The following ANKDD1A variants were observed in gnomAD, a reference collection of about 807,000 sequenced individuals.
The protein encoded by ANKDD1A is ankyrin repeat and death domain-containing protein 1A.
In ANKDD1A, 59 loss-of-function variants were observed where a neutral mutation model predicts 63.5. That is an observed-to-expected ratio of 0.93 (90% CI 0.75 to 1.15). The LOEUF is 1.15. ANKDD1A is among the 50% of genes most tolerant of loss of function. The pLI is 0.00. For synonymous variants in ANKDD1A, 266 were observed against 263.9 expected, an observed-to-expected ratio of 1.01 and a Z score of -0.08; for missense variants, 632 against 656.4, an observed-to-expected ratio of 0.96 and a Z score of 0.41.
intron 1 of ANKDD1A, among the ~76,000 whole-genome samples, chr15:64,914,297 T>C (rs1287663383): frequency 6.6e-6 from 1 of 152,072 alleles, no homozygotes; most frequent in Non-Finnish European, 1.5e-5. Context: ...GTTTTTGTTT[T>C]CTTTTTAGAG....
chr15:64,952,908 C>T (rs1178744526), intron 14 of ANKDD1A, among the ~76,000 whole-genome samples: 4 of 70,378 alleles, frequency 5.7e-5, no homozygotes, highest in Non-Finnish European at 1.6e-4. Context: ...CCTTCCTTCT[C>T]TTCTTCTCCT....
chr15:64,915,896 A>G lies in ANKDD1A; in HGVS notation c.134A>G (p.Asn45Ser). 1 of 1,613,402 alleles carries G rather than the reference A, an allele frequency of 6.2e-7. No homozygotes were observed. Among genetic ancestry groups the G allele is most frequent in the South Asian group, 1.1e-5 (1 of 90,974 alleles). Residue 45 changes from asparagine to serine, a missense_variant, in exon 2 of 15, where the codon AAC becomes AGC. Coordinates refer to ENST00000319580, the MANE Select transcript of ANKDD1A (RefSeq NM_182703.6). Reference sequence around the variant, plus strand: ...AGGAGGGTTAACACCAGGGCCAGAAACCACGTGCGTAATGAGCTTCTCTGA... The same window carrying G: ...AGGAGGGTTAACACCAGGGCCAGAAGCCACGTGCGTAATGAGCTTCTCTGA... ...IGRRVNTRAR[N>S]HVGRVALHWA...
At chr15:64,941,280 C>T (rs28661274) in intron 9 of ANKDD1A, among the ~76,000 whole-genome samples, 7,140 of 152,118 alleles carry the variant, frequency 0.047, 581 homozygotes, top group African/African-American at 0.16. Context: ...AGGATTTTTG[C>T]GGGGGAGCGG....
chr15:64,937,577 A>G (rs1303005324), intron 9 of ANKDD1A, among the ~76,000 whole-genome samples: 1 of 151,992 alleles, frequency 6.6e-6, no homozygotes, highest in African/African-American at 2.4e-5. Flanking sequence ...AAGTACAAAA[A>G]ATTAGCCAGG....
chr15:64,946,175 T>C (rs1356099402), intron 12 of ANKDD1A, among the ~76,000 whole-genome samples: 1 of 152,170 alleles, frequency 6.6e-6, no homozygotes, highest in Non-Finnish European at 1.5e-5. Context: ...ACTGAATAAA[T>C]AAACTTAATA....
rs911312217 is a variant in ANKDD1A, at chr15:64,950,743, C to A, written c.1483+771C>A. 9.7e-5 allele frequency: 88 copies of A among 911,308 alleles called. 8 individuals carry two copies. The South Asian group carries it at 1.0e-3, about 10-fold the overall frequency. The allele number at this position is 911,308 out of a possible 1,614,324, so 56.5% of individuals were successfully genotyped here. On this transcript the variant is annotated intron_variant, in intron 14 of 14. Transcript: ENST00000319580. ...AAGAAAGGACCGCCCCCCCCCCCCC[C>A]CCCCCCCATAGCTGCTATAGGCAAG...
chr15:64,912,285 G>A (rs187078072), intron 1 of ANKDD1A, among the ~76,000 whole-genome samples: 63 of 152,362 alleles, frequency 4.1e-4, no homozygotes, highest in African/African-American at 1.4e-3. Flanking sequence ...GGAGAGGCAC[G>A]TCATTTGATC....
chr15:64,952,574 CTCCTTCTTT>C (rs2085312727), intron 14 of ANKDD1A, among the ~76,000 whole-genome samples: 3 of 74,156 alleles, frequency 4.0e-5, no homozygotes, highest in Non-Finnish European at 9.4e-5. Context: ...CGTTCTTCTT[CTCCTTCTTT>C]TCTTCTTCTT....
In ANKDD1A at chr15:64,958,423, G is replaced by A. The variant is rs575513976; in HGVS notation, c.*1235G>A. 2.0e-5 allele frequency: 3 copies of A among 152,296 alleles called. No homozygotes were observed. The highest frequency in any genetic ancestry group is 7.2e-5 in the African/African-American group (3 of 41,562). The allele number at this position is 152,296 out of a possible 1,614,324, so 9.4% of individuals were successfully genotyped here. Reference sequence around the variant, plus strand: ...GGAAACTGTGTGTGCTGAAGAGTACGTGGGAGCTCTCTGTGCTATCTGCTC... The same window carrying A: ...GGAAACTGTGTGTGCTGAAGAGTACATGGGAGCTCTCTGTGCTATCTGCTC... On this transcript the variant is annotated 3_prime_UTR_variant, in exon 15 of 15. Transcript: ENST00000319580.
chr15:64,952,588 CTT>C (rs2085313531), intron 14 of ANKDD1A, among the ~76,000 whole-genome samples: 5 of 144,208 alleles, frequency 3.5e-5, no homozygotes, highest in Admixed American at 1.4e-4. Context: ...TTCTTTTCTT[CTT>C]CTTCCTTCGT....
chr15:64,927,673 T>C (rs1375962631), intron 6 of ANKDD1A, among the ~76,000 whole-genome samples: 1 of 151,248 alleles, frequency 6.6e-6, no homozygotes, highest in African/African-American at 2.4e-5. Context: ...GGCGCTGTCT[T>C]GGCTCACTGC....
Position 64,930,835 on chromosome 15 carries a change from C to T in ANKDD1A, c.584C>T (p.Ala195Val), listed in dbSNP as rs2085084234. ...TTTTTCCTGCAGGAGGGGAACACTGCCCTTCATCTGGCTGCTGGTCGGGGC... is the reference window on the plus strand; with the variant it reads ...TTTTTCCTGCAGGAGGGGAACACTGTCCTTCATCTGGCTGCTGGTCGGGGC... Reference protein sequence around the residue: ...HNVKDKEGNTALHLAAGRGHM... With the variant: ...HNVKDKEGNTVLHLAAGRGHM... Residue 195 changes from alanine (A) to valine (V), a missense_variant, in exon 7 of 15, where the codon GCC becomes GTC. Transcript: ENST00000319580. 1 of 1,612,786 alleles carries T rather than the reference C, an allele frequency of 6.2e-7. No homozygotes were observed. The highest frequency in any genetic ancestry group is 1.7e-5 in the Admixed American group (1 of 59,988).
intron 6 of ANKDD1A, 43 bp from the exon 7 acceptor site, chr15:64,930,779 A>T: frequency 1.3e-6 from 2 of 1,577,734 alleles, no homozygotes; most frequent in South Asian, 2.3e-5. Context: ...TGATTCTGGG[A>T]CTCTCTGGTC....
intron 7 of ANKDD1A, 107 bp downstream of exon 7, chr15:64,931,027 C>A: frequency 8.3e-7 from 1 of 1,200,762 alleles, no homozygotes; most frequent in South Asian, 1.4e-5. Flanking sequence ...AGGCTGAGGG[C>A]ATGATCTCGA....
chr15:64,947,046 G>A (rs1328033432), intron 12 of ANKDD1A, among the ~76,000 whole-genome samples: 1 of 152,170 alleles, frequency 6.6e-6, no homozygotes, highest in African/African-American at 2.4e-5. Context: ...TACTTCTGCT[G>A]ACACCCATGC....
chr15:64,956,529 G>T (rs2085418435), intron 14 of ANKDD1A, among the ~76,000 whole-genome samples: 1 of 150,692 alleles, frequency 6.6e-6, no homozygotes, highest in African/African-American at 2.4e-5. Flanking sequence ...CTCCAGCCTG[G>T]GCGACAGAGC....
rs915482759 is a variant in ANKDD1A, at chr15:64,947,296, A to G, written c.1162-108A>G. On this transcript the variant is annotated intron_variant, in intron 12 of 14. Coordinates refer to ENST00000319580, the MANE Select transcript of ANKDD1A (RefSeq NM_182703.6). ...CTGGCCCTTGCTGACTCCAGCTCCC[A>G]GGCACCCCAGCAGAGGTGGTAGGAG... 5 of 1,159,238 alleles carry G rather than the reference A, an allele frequency of 4.3e-6. No homozygotes were observed. In the African/African-American group the frequency reaches 4.7e-5, roughly 11 times the overall value. The allele number at this position is 1,159,238 out of a possible 1,614,324, so 71.8% of individuals were successfully genotyped here.
intron 14 of ANKDD1A, among the ~76,000 whole-genome samples, chr15:64,955,110 G>C (rs898128445): frequency 6.6e-6 from 1 of 151,590 alleles, no homozygotes; most frequent in Non-Finnish European, 1.5e-5. Context: ...CTGGAGTGCA[G>C]TGGCGCAATC....
chr15:64,934,365 G>A, intron 9 of ANKDD1A, 131 bp downstream of exon 9: 1 of 697,816 alleles, frequency 1.4e-6, no homozygotes, highest in Non-Finnish European at 2.3e-6. Context: ...AGGGGAGCCG[G>A]CAGCACTTAG....
Sources: allele counts gnomAD v4.1 joint callset (sites outside exome capture counted in the v4.1 genomes callset), GRCh38; gene constraint gnomAD v4.1.1; transcripts MANE v1.5; gene names NCBI Gene and HGNC (gene_info 2026-07-23, HGNC 2026-07-21).